The following MAPKAPK3 variants were observed in gnomAD, a reference collection of about 807,000 sequenced individuals.
MAPKAPK3 encodes the protein MAPK activated protein kinase 3.
Under a neutral mutation model 49.2 loss-of-function variants are expected in MAPKAPK3, and 35 were observed. The observed-to-expected ratio is 0.71, with a 90% CI of 0.54 to 0.94. The LOEUF (loss-of-function observed/expected upper bound fraction) is 0.94, where lower values mean the gene tolerates loss of function less well. MAPKAPK3 is among the 40% of genes least tolerant of loss of function. MAPKAPK3 has a pLI of 0.00. For missense variants in MAPKAPK3, 398 were observed against 493.1 expected (o/e 0.81, Z 1.83); for synonymous variants, 178 against 188.7 (o/e 0.94, Z 0.46).
At chr3:50,624,338 G>T (rs1019420506) in intron 2 of MAPKAPK3, among the ~76,000 whole-genome samples, 3 of 152,062 alleles carry the variant, frequency 2.0e-5, no homozygotes, top group African/African-American at 7.2e-5. Context: ...AATATGCCTG[G>T]TTTAGACATT....
At chr3:50,635,406 CTTTTTTTTTTTTT>C (rs386396609) in intron 2 of MAPKAPK3, among the ~76,000 whole-genome samples, 5 of 48,624 alleles carry the variant, frequency 1.0e-4, no homozygotes, top group Admixed American at 3.6e-4. Context: ...TCAATTTAAT[CTTTTTTTTTTTTT>C]TTTTTTTTTT....
At chr3:50,624,768 C>T (rs73833404) in intron 2 of MAPKAPK3, among the ~76,000 whole-genome samples, 3,030 of 152,214 alleles carry the variant, frequency 0.02, 120 homozygotes, top group African/African-American at 0.07. Context: ...TCCAGGCTGC[C>T]ATGTCTAATG....
At position 50,647,911 on chromosome 3, in the gene MAPKAPK3, C is replaced by A. The variant is rs141140894; in HGVS notation, c.1014C>A (p.Ala338=). 7.3e-5 allele frequency: 118 copies of A among 1,613,628 alleles called. No individual in the cohort carries two copies. The African/African-American group carries it at 7.7e-4, about 11-fold the overall frequency. ...WDEVKEEMTS[A]LATMRVDYDQ... The stretch of plus-strand genomic sequence containing the variant: ...GTCCCCAGGAGGAGATGACCAGTGC[C>A]TTGGCCACTATGCGGGTAGACTACG... Residue 338 remains alanine (A), a synonymous_variant, in exon 11 of 11, where the codon GCC becomes GCA. Coordinates refer to ENST00000621469, the MANE Select transcript of MAPKAPK3 (RefSeq NM_001243925.2).
chr3:50,630,353 A>G (rs946005543), intron 2 of MAPKAPK3, among the ~76,000 whole-genome samples: 6 of 152,338 alleles, frequency 3.9e-5, no homozygotes, highest in African/African-American at 1.4e-4. Flanking sequence ...TGTTTGCAGG[A>G]GTTGGGAGGG....
chr3:50,634,299 G>C (rs4309723), intron 2 of MAPKAPK3, among the ~76,000 whole-genome samples: 1 of 152,156 alleles, frequency 6.6e-6, no homozygotes. Flanking sequence ...GTATGTGTAC[G>C]TCTGTGTGTG....
chr3:50,622,017 T>C (rs1208429705), intron 2 of MAPKAPK3, among the ~76,000 whole-genome samples: 4 of 152,200 alleles, frequency 2.6e-5, no homozygotes, highest in Non-Finnish European at 5.9e-5. Context: ...GGTCAAGTCT[T>C]TGTAGCAGCC....
upstream of MAPKAPK3, chr3:50,612,716 C>T (rs1020531804): frequency 6.6e-6 from 1 of 151,564 alleles, no homozygotes; most frequent in East Asian, 2.0e-4. Flanking sequence ...ACCACCCCCA[C>T]CCCCCGCCAG....
At chr3:50,629,323 C>T (rs1382248389) in intron 2 of MAPKAPK3, among the ~76,000 whole-genome samples, 1 of 151,964 alleles carries the variant, frequency 6.6e-6, no homozygotes. Flanking sequence ...TTCTGGGAAA[C>T]AAGGAGGGGA....
chr3:50,634,077 G>A (rs2032975220), intron 2 of MAPKAPK3, among the ~76,000 whole-genome samples: 1 of 152,170 alleles, frequency 6.6e-6, no homozygotes, highest in South Asian at 2.1e-4. Context: ...TGGCTCTGGG[G>A]GCAAGAGAGA....
rs414171 is a variant in MAPKAPK3, at chr3:50,612,068, A to T, written c.-436A>T. 152,995 of 193,492 alleles carry T rather than the reference A, an allele frequency of 0.79. 61,924 individuals carry two copies. The highest frequency in any genetic ancestry group is 0.89 in the South Asian group (5,858 of 6,564). 12.0% of individuals were successfully genotyped at this position (193,492 alleles called of 1,614,324 possible). On this transcript the variant is annotated 5_prime_UTR_variant, in exon 1 of 13. Transcript: ENST00000446044. ...AATCGCGACGCTGAAGGTGGAGCCGAGCGGTCGGGGAGGGCCAATAGCAGC... is the reference window on the plus strand; with the variant it reads ...AATCGCGACGCTGAAGGTGGAGCCGTGCGGTCGGGGAGGGCCAATAGCAGC...
chr3:50,621,084 C>A (rs369905815), intron 2 of MAPKAPK3, among the ~76,000 whole-genome samples: 2 of 152,290 alleles, frequency 1.3e-5, no homozygotes, highest in Admixed American at 1.3e-4. Flanking sequence ...ATTTTCTCCC[C>A]TCCTGACATC....
At chr3:50,643,248 G>A (rs963349668) in intron 5 of MAPKAPK3, among the ~76,000 whole-genome samples, 7 of 152,202 alleles carry the variant, frequency 4.6e-5, no homozygotes, top group African/African-American at 7.2e-5. Flanking sequence ...CTGAGCCCTG[G>A]AGGAAGGAAC....
At chr3:50,628,645 G>A (rs1407232099) in intron 2 of MAPKAPK3, among the ~76,000 whole-genome samples, 1 of 152,134 alleles carries the variant, frequency 6.6e-6, no homozygotes, top group Admixed American at 6.5e-5. Flanking sequence ...GGCCTCCCCC[G>A]GCCCTCTGTG....
At chr3:50,636,245 T>C (rs931283196) in intron 2 of MAPKAPK3, among the ~76,000 whole-genome samples, 1 of 152,196 alleles carries the variant, frequency 6.6e-6, no homozygotes, top group African/African-American at 2.4e-5. Flanking sequence ...AGGCTGCTGG[T>C]GTTGGCCTGG....
At position 50,648,930 on chromosome 3, in the gene MAPKAPK3, G is replaced by C. The variant is rs537554398; in HGVS notation, c.*884G>C. 2 of 152,398 alleles carry C rather than the reference G, an allele frequency of 1.3e-5. No individual in the cohort carries two copies. Among genetic ancestry groups the C allele is most frequent in the African/African-American group, 4.8e-5 (2 of 41,594 alleles). The allele number at this position is 152,398 out of a possible 1,614,324, so 9.4% of individuals were successfully genotyped here. On this transcript the variant is annotated 3_prime_UTR_variant, in exon 11 of 11. Transcript: ENST00000621469. ...GGGCTATCTTTTGGTATACTTGTGT[G>C]AAAGTGGCTGGTTGGGAGCAGAGCT...
In MAPKAPK3 at chr3:50,647,985, A is replaced by G. The variant is rs141897508; in HGVS notation, c.1088A>G (p.Asn363Ser). 1.2e-6 allele frequency: 2 copies of G among 1,613,924 alleles called. No individual in the cohort carries two copies. The highest frequency in any genetic ancestry group is 2.7e-5 in the African/African-American group (2 of 75,064). The change falls in exon 11 of 11, where the codon AAC (asparagine) becomes AGC (serine). Residue 363 changes from asparagine (N) to serine (S), a missense_variant. By Grantham distance (46) the Asn-to-Ser change is conservative (BLOSUM62 1). Coordinates refer to ENST00000621469, the MANE Select transcript of MAPKAPK3 (RefSeq NM_001243925.2). ...DLKTSNNRLL[N>S]KRRKKQAGSS... ...AAGACCTCTAACAACCGGCTCCTCA[A>G]CAAGAGGAGAAAAAAGCAGGCAGGC...
intron 10 of MAPKAPK3, among the ~76,000 whole-genome samples, chr3:50,647,558 G>A (rs1212786427): frequency 6.6e-6 from 1 of 152,266 alleles, no homozygotes; most frequent in Non-Finnish European, 1.5e-5. Flanking sequence ...CAATCTCCAG[G>A]CCCCAGTGCG....
At chr3:50,632,968 G>A (rs909753517) in intron 2 of MAPKAPK3, among the ~76,000 whole-genome samples, 4 of 152,340 alleles carry the variant, frequency 2.6e-5, no homozygotes, top group Admixed American at 1.3e-4. Context: ...GGCTGGAGGA[G>A]GGTGTTGGGG....
chr3:50,631,587 C>T (rs1392521880), intron 2 of MAPKAPK3, among the ~76,000 whole-genome samples: 1 of 152,154 alleles, frequency 6.6e-6, no homozygotes, highest in East Asian at 1.9e-4. Context: ...CAACAACTGG[C>T]TGTAAAATAA....
Sources: allele counts gnomAD v4.1 joint callset (sites outside exome capture counted in the v4.1 genomes callset), GRCh38; gene constraint gnomAD v4.1.1; transcripts MANE v1.5; gene names NCBI Gene and HGNC (gene_info 2026-07-23, HGNC 2026-07-21).